ST18: variants seen among roughly 807,000 people sequenced by gnomAD.
ST18 encodes ST18 C2H2C-type zinc finger transcription factor.
ST18 carries 50 observed loss-of-function variants against 110.0 expected under a neutral mutation model. The ratio of observed to expected loss-of-function variants is 0.45; its 90% CI spans 0.36 to 0.58. The LOEUF is 0.58. Among genes scored for constraint, ST18 ranks in the 20% least tolerant of loss-of-function variants. The pLI, the probability that ST18 is intolerant of heterozygous loss-of-function variation, is 0.00. For missense variants in ST18, 1,306 were observed against 1,280.1 expected (o/e 1.02, Z -0.31); for synonymous variants, 461 against 452.4 (o/e 1.02, Z -0.24).
At chr8:52,174,839 C>A (rs1467069276) in intron 9 of ST18, among the ~76,000 whole-genome samples, 1 of 152,196 alleles carries the variant, frequency 6.6e-6, no homozygotes, top group East Asian at 1.9e-4. Context: ...CATTCCACCC[C>A]CCTCCCAGGC....
intron 2 of ST18, among the ~76,000 whole-genome samples, chr8:52,261,174 A>G (rs982669243): frequency 4.6e-5 from 7 of 152,222 alleles, no homozygotes; most frequent in Admixed American, 4.6e-4. Flanking sequence ...TCACATAAAT[A>G]AATCATTTGC....
Position 52,171,839 on chromosome 8 carries a change from T to C in ST18, c.1022A>G (p.Gln341Arg). ...LLEHLAGERR[Q>R]TKVIDMGGRQ... ...TCCACCCATGTCGATAACTTTGGTT[T>C]GCCTCCTTTCCCCTGCTAGGTGCTC... is the stretch of plus-strand genomic sequence containing the variant. Residue 341 changes from glutamine to arginine, a missense_variant, in exon 10 of 26, where the codon CAA becomes CGA. Transcript: ENST00000689386. 2.5e-6 allele frequency: 4 copies of C among 1,614,150 alleles called. No individual in the cohort carries two copies. Among genetic ancestry groups the C allele is most frequent in the Non-Finnish European group, 2.5e-6 (3 of 1,179,988 alleles).
At chr8:52,365,290 A>C (rs979140426) in intron 2 of ST18, among the ~76,000 whole-genome samples, 8 of 152,174 alleles carry the variant, frequency 5.3e-5, no homozygotes, top group Middle Eastern at 3.2e-3. Flanking sequence ...CAGATGAAGA[A>C]TGTTTCGCCA....
intron 17 of ST18, among the ~76,000 whole-genome samples, chr8:52,138,601 T>A (rs2131858319): frequency 6.6e-6 from 1 of 152,348 alleles, no homozygotes; most frequent in East Asian, 1.9e-4. Flanking sequence ...ATAATAATCA[T>A]GTAAGAAGGT....
intron 2 of ST18, among the ~76,000 whole-genome samples, chr8:52,308,651 AAGG>A (rs2095852069): frequency 6.6e-6 from 1 of 152,222 alleles, no homozygotes; most frequent in Non-Finnish European, 1.5e-5. Flanking sequence ...CCCTTCCTGA[AAGG>A]AGAACTGTGT....
At position 52,120,360 on chromosome 8, in the gene ST18, T is replaced by A. The variant is rs1462932592; in HGVS notation, c.2756-1919A>T. On this transcript the variant is annotated intron_variant, in intron 23 of 25. Transcript: ENST00000689386. ...TATAGTAAAATTCCACCTCAAAGAA[T>A]GTTATTTTCTTACATAATATCTGGT... 6.6e-5 allele frequency among the ~76,000 whole-genome samples: 10 copies of A among 152,358 alleles called. No homozygotes were observed. The East Asian group carries it at 1.9e-3, about 29-fold the overall frequency.
chr8:52,273,420 C>A (rs1343544810), intron 2 of ST18, among the ~76,000 whole-genome samples: 1 of 152,122 alleles, frequency 6.6e-6, no homozygotes, highest in East Asian at 1.9e-4. Flanking sequence ...CGTTTTGAAA[C>A]CTGAGAGCCC....
Position 52,126,150 on chromosome 8 carries a change from T to C in ST18, c.2667-10A>G, listed in dbSNP as rs1008407783. ...AGGACATCCAGATAAGCTGTGAAAATAGAAATTGTACTAATGTATGAAATG... is the reference window on the plus strand; with the variant it reads ...AGGACATCCAGATAAGCTGTGAAAACAGAAATTGTACTAATGTATGAAATG... On this transcript the variant is annotated splice_polypyrimidine_tract_variant and intron_variant, in intron 22 of 25. Coordinates refer to ENST00000689386, the MANE Select transcript of ST18 (RefSeq NM_001352837.2). 11 of 1,610,610 alleles carry C rather than the reference T, an allele frequency of 6.8e-6. No homozygotes were observed. In the African/African-American group the frequency reaches 1.1e-4, roughly 16 times the overall value.
At chr8:52,157,990 A>G (rs2060444266) in intron 15 of ST18, among the ~76,000 whole-genome samples, 1 of 152,258 alleles carries the variant, frequency 6.6e-6, no homozygotes, top group Non-Finnish European at 1.5e-5. Flanking sequence ...AACTTATTTC[A>G]GTGGCTTCAG....
At chr8:52,195,717 A>G (rs1414088542) in intron 8 of ST18, among the ~76,000 whole-genome samples, 1 of 152,206 alleles carries the variant, frequency 6.6e-6, no homozygotes, top group African/African-American at 2.4e-5. Context: ...TAATCATCTA[A>G]GGTAATCATA....
Position 52,159,149 on chromosome 8 carries a change from G to T in ST18, c.1595-40C>A, listed in dbSNP as rs777594815. The stretch of plus-strand genomic sequence containing the variant: ...TTTGATTAGCAATTGCATGTACATG[G>T]TTTTAGTCATTAAACAGATTTGTTT... On this transcript the variant is annotated intron_variant, in intron 14 of 25. Coordinates refer to ENST00000689386, the MANE Select transcript of ST18 (RefSeq NM_001352837.2). The T allele has an allele frequency of 1.5e-5, 23 of 1,568,198 alleles. No individual in the cohort carries two copies. In the East Asian group the frequency reaches 4.3e-4, roughly 29 times the overall value.
chr8:52,146,925 G>C (rs1397108281), intron 16 of ST18, among the ~76,000 whole-genome samples: 3 of 152,110 alleles, frequency 2.0e-5, no homozygotes, highest in South Asian at 2.1e-4. Context: ...CAGATAACTG[G>C]GACAATAAGC....
chr8:52,176,443 T>C (rs1255493482), intron 9 of ST18, among the ~76,000 whole-genome samples: 1 of 152,142 alleles, frequency 6.6e-6, no homozygotes, highest in Non-Finnish European at 1.5e-5. Context: ...AAAACTCTAA[T>C]AGGTCAAAAA....
At chr8:52,311,261 C>T (rs1393337244) in intron 2 of ST18, among the ~76,000 whole-genome samples, 1 of 152,206 alleles carries the variant, frequency 6.6e-6, no homozygotes, top group Non-Finnish European at 1.5e-5. Context: ...CATTGAAGGG[C>T]ATCTTTCACA....
chr8:52,400,827 C>T (rs1005590935), intron 2 of ST18, among the ~76,000 whole-genome samples: 2 of 152,034 alleles, frequency 1.3e-5, no homozygotes, highest in African/African-American at 4.8e-5. Context: ...GATGTTTAAC[C>T]TTCATACTAG....
At chr8:52,284,873 T>C (rs1233085984) in intron 2 of ST18, among the ~76,000 whole-genome samples, 1 of 150,540 alleles carries the variant, frequency 6.6e-6, no homozygotes, top group Admixed American at 6.6e-5. Flanking sequence ...TCATCTCAAA[T>C]ATTTTTTGGG....
chr8:52,302,562 G>A (rs997452572), intron 2 of ST18, among the ~76,000 whole-genome samples: 1 of 152,168 alleles, frequency 6.6e-6, no homozygotes, highest in African/African-American at 2.4e-5. Flanking sequence ...CCACTAGCAG[G>A]GAACTGGACT....
At chr8:52,349,693 C>T (rs998129059) in intron 2 of ST18, among the ~76,000 whole-genome samples, 11 of 152,186 alleles carry the variant, frequency 7.2e-5, no homozygotes, top group Non-Finnish European at 1.5e-4. Context: ...AAATGTGTAG[C>T]TCAACTCACA....
chr8:52,332,031 T>C (rs1809684719), intron 2 of ST18, among the ~76,000 whole-genome samples: 1 of 152,108 alleles, frequency 6.6e-6, no homozygotes, highest in Non-Finnish European at 1.5e-5. Flanking sequence ...TATGTATATA[T>C]ACATATAAAA....
Sources: gnomAD v4.1 joint callset for allele counts (sites outside exome capture counted in the v4.1 genomes callset) on GRCh38, gnomAD v4.1.1 for gene constraint, MANE v1.5 for transcripts, NCBI Gene and HGNC (gene_info 2026-07-23, HGNC 2026-07-21) for gene names.